Variants in ANO3 observed in about 807,000 individuals in gnomAD.
ANO3 encodes anoctamin-3.
A neutral mutation model predicts 144.8 loss-of-function variants in ANO3; 99 were observed. That is an observed-to-expected ratio of 0.68 (90% CI 0.58 to 0.81). ANO3 has a LOEUF of 0.81. ANO3 is among the 30% of genes least tolerant of loss of function. The pLI, the probability that ANO3 is intolerant of heterozygous loss-of-function variation, is 0.00. For missense variants in ANO3, 905 were observed against 1,202.2 expected (o/e 0.75, Z 3.66); for synonymous variants, 414 against 392.6 (o/e 1.05, Z -0.64).
chr11:26,214,298 AGTGT>A (rs2133785976), intron 1 of ANO3, among the ~76,000 whole-genome samples: 1 of 151,918 alleles, frequency 6.6e-6, no homozygotes. Context: ...AAGACTTGGC[AGTGT>A]ATTAGTGTAG....
chr11:26,300,855 C>CTTTTTTTT (rs376885670), intron 1 of ANO3, among the ~76,000 whole-genome samples: 4 of 129,070 alleles, frequency 3.1e-5, no homozygotes, highest in Admixed American at 7.8e-5. Flanking sequence ...TCTTTTTTTT[C>CTTTTTTTT]TTTTTTTTTT....
At chr11:26,324,242 T>G (rs1854830489) in intron 1 of ANO3, among the ~76,000 whole-genome samples, 1 of 152,190 alleles carries the variant, frequency 6.6e-6, no homozygotes, top group Admixed American at 6.5e-5. Flanking sequence ...TTTGACATAT[T>G]TTTGGATATC....
At chr11:26,386,412 T>G (rs1358171803) in intron 1 of ANO3, among the ~76,000 whole-genome samples, 2 of 152,184 alleles carry the variant, frequency 1.3e-5, no homozygotes, top group Non-Finnish European at 2.9e-5. Context: ...AGGCTAAGGC[T>G]GGAGGGAGGA....
At chr11:26,324,820 A>T (rs1220704912) in intron 1 of ANO3, among the ~76,000 whole-genome samples, 1 of 152,218 alleles carries the variant, frequency 6.6e-6, no homozygotes, top group Non-Finnish European at 1.5e-5. Context: ...TATTACCGTT[A>T]GGTACTCCTA....
chr11:26,597,450 CAA>C (rs1851667904), intron 14 of ANO3, among the ~76,000 whole-genome samples: 1 of 152,184 alleles, frequency 6.6e-6, no homozygotes, highest in African/African-American at 2.4e-5. Context: ...TCCAGAGCGG[CAA>C]TGGGCGCCTC....
At chr11:26,483,817 G>A (rs756254443) in intron 4 of ANO3, among the ~76,000 whole-genome samples, 5 of 152,120 alleles carry the variant, frequency 3.3e-5, no homozygotes, top group Non-Finnish European at 7.4e-5. Context: ...GCTCAGAAGA[G>A]GACAGAAAGA....
Position 26,660,726 on chromosome 11 carries a change from GCCTTCCATCAA to G in ANO3, c.*284_*294del, listed in dbSNP as rs543832745. 165 of 309,196 alleles carry G rather than the reference GCCTTCCATCAA, an allele frequency of 5.3e-4. No individual in the cohort carries two copies. Among genetic ancestry groups the G allele is most frequent in the African/African-American group, 3.1e-3 (144 of 45,838 alleles). The allele number at this position is 309,196 out of a possible 1,614,324, so 19.2% of individuals were successfully genotyped here. On this transcript the variant is annotated 3_prime_UTR_variant, in exon 27 of 27. Transcript: ENST00000256737. The stretch of plus-strand genomic sequence containing the variant: ...GGGAGATATATGCTTGGAGAACTCT[GCCTTCCATCAA>G]CTGCAGTGTAATGGGAAAGAGGGTG...
intron 4 of ANO3, among the ~76,000 whole-genome samples, chr11:26,486,429 C>CAT (rs1284969127): frequency 6.7e-6 from 1 of 148,852 alleles, no homozygotes. Context: ...TAAAACTATA[C>CAT]ATTTTTTATA....
chr11:26,468,407 G>T (rs1322977638), intron 4 of ANO3, among the ~76,000 whole-genome samples: 2 of 151,916 alleles, frequency 1.3e-5, no homozygotes, highest in Non-Finnish European at 2.9e-5. Context: ...CAGGAAGAAG[G>T]TTATAGACAA....
intron 4 of ANO3, among the ~76,000 whole-genome samples, chr11:26,488,422 T>C (rs2131695): frequency 0.91 from 138,096 of 152,162 alleles, 63,306 homozygotes; most frequent in Non-Finnish European, 0.97. Context: ...TTATTCCTTC[T>C]GGTGGGTTCT....
intron 4 of ANO3, among the ~76,000 whole-genome samples, chr11:26,485,690 C>A (rs1421866691): frequency 6.6e-6 from 1 of 152,068 alleles, no homozygotes; most frequent in African/African-American, 2.4e-5. Flanking sequence ...CCTTTGCCCA[C>A]TTTTTAAATC....
chr11:26,236,603 G>T (rs1322184390), intron 1 of ANO3, among the ~76,000 whole-genome samples: 1 of 152,074 alleles, frequency 6.6e-6, no homozygotes, highest in Non-Finnish European at 1.5e-5. Flanking sequence ...CGGATCACGA[G>T]GTCAGGAGAC....
At chr11:26,356,350 A>T (rs1855783534) in intron 1 of ANO3, among the ~76,000 whole-genome samples, 1 of 152,196 alleles carries the variant, frequency 6.6e-6, no homozygotes, top group Admixed American at 6.5e-5. Flanking sequence ...TAATGAAATT[A>T]TAGCTCATCC....
At chr11:26,555,540 AG>A (rs1255533702) in intron 13 of ANO3, among the ~76,000 whole-genome samples, 3 of 152,204 alleles carry the variant, frequency 2.0e-5, no homozygotes, top group Non-Finnish European at 4.4e-5. Flanking sequence ...ATTTAAGGAC[AG>A]GGATGACTCA....
intron 6 of ANO3, among the ~76,000 whole-genome samples, chr11:26,520,962 T>C (rs984589218): frequency 6.6e-6 from 1 of 152,138 alleles, no homozygotes; most frequent in Non-Finnish European, 1.5e-5. Context: ...ATACTGGTGT[T>C]CTTGAGAAAA....
chr11:26,512,248 C>T (rs762295077), intron 5 of ANO3, among the ~76,000 whole-genome samples: 11 of 152,094 alleles, frequency 7.2e-5, no homozygotes, highest in Non-Finnish European at 1.5e-4. Context: ...TTTGTAAAAA[C>T]GTAATTTTTA....
intron 1 of ANO3, among the ~76,000 whole-genome samples, chr11:26,194,283 T>C (rs2133905611): frequency 6.6e-6 from 1 of 152,264 alleles, no homozygotes; most frequent in Admixed American, 6.5e-5. Context: ...TCTGACAGTG[T>C]GTATAAAATA....
chr11:26,440,072 G>A (rs1858457640), intron 1 of ANO3, among the ~76,000 whole-genome samples: 1 of 152,132 alleles, frequency 6.6e-6, no homozygotes, highest in African/African-American at 2.4e-5. Context: ...AACACTGGGT[G>A]TGGGCGGAGG....
At chr11:26,640,746 G>A (rs962716390) in intron 21 of ANO3, among the ~76,000 whole-genome samples, 12 of 152,016 alleles carry the variant, frequency 7.9e-5, no homozygotes, top group African/African-American at 2.4e-4. Flanking sequence ...TACCCTTCCC[G>A]ATATCTAGGA....
Sources: gnomAD v4.1 joint callset for allele counts (sites outside exome capture counted in the v4.1 genomes callset) on GRCh38, gnomAD v4.1.1 for gene constraint, MANE v1.5 for transcripts, NCBI Gene and HGNC (gene_info 2026-07-23, HGNC 2026-07-21) for gene names.